Variants in GCH1 observed in about 807,000 individuals in gnomAD.
GCH1 encodes GTP cyclohydrolase I.
A neutral mutation model predicts 25.9 loss-of-function variants in GCH1; 5 were observed. That is an observed-to-expected ratio of 0.19 (90% confidence interval 0.10 to 0.41). The LOEUF (loss-of-function observed/expected upper bound fraction) is 0.41, where lower values mean the gene tolerates loss of function less well. Ranked by LOEUF, GCH1 falls within the 10% of genes least tolerant of loss-of-function variation. The probability of loss-of-function intolerance (pLI) is 1.00; values close to 1 mark genes in which losing one functional copy is unlikely to be tolerated. For missense variants in GCH1, 261 were observed against 336.5 expected, an observed-to-expected ratio of 0.78 and a Z score of 1.75; for synonymous variants, 159 against 129.6, an observed-to-expected ratio of 1.23 and a Z score of -1.54.
At chr14:54,872,960 C>G (rs1333961260) in intron 1 of GCH1, among the ~76,000 whole-genome samples, 1 of 151,408 alleles carries the variant, frequency 6.6e-6, no homozygotes, top group East Asian at 1.9e-4. Flanking sequence ...AGAAAGTTAA[C>G]AAGGATATCC....
At chr14:54,865,247 A>C (rs1594988950) in intron 2 of GCH1, 80 bp downstream of exon 2, 1 of 716,294 alleles carries the variant, frequency 1.4e-6, no homozygotes, top group African/African-American at 1.8e-5. Flanking sequence ...TTGGCAGCTA[A>C]AAATTTTAAA....
chr14:54,891,931 C>G (rs899216133), intron 1 of GCH1, among the ~76,000 whole-genome samples: 1 of 152,168 alleles, frequency 6.6e-6, no homozygotes, highest in African/African-American at 2.4e-5. Context: ...TGGCCCTAAA[C>G]CACAAGAGTA....
intron 1 of GCH1, among the ~76,000 whole-genome samples, chr14:54,899,171 C>A (rs10138594): frequency 0.042 from 6,361 of 152,078 alleles, 463 homozygotes; most frequent in African/African-American, 0.15. Flanking sequence ...TTATAATAAT[C>A]TTAAATGGGC....
rs1033510721 is a variant in GCH1 at position 54,880,004 on chromosome 14, A to C, written c.344-14568T>G. On this transcript the variant is annotated intron_variant, in intron 1 of 5. Transcript: ENST00000491895. ...TGTCTCAAAAAAAAAAAAAAAAAAA[A>C]AAAAAGACATGAAAGCAATCCCAGC... Among the ~76,000 whole-genome samples, 407 of 149,936 alleles carry C rather than the reference A, an allele frequency of 2.7e-3. 2 individuals are homozygous for C. The highest frequency in any genetic ancestry group is 9.5e-3 in the African/African-American group (389 of 40,964).
At chr14:54,888,676 C>A (rs2040385292) in intron 1 of GCH1, among the ~76,000 whole-genome samples, 1 of 122,754 alleles carries the variant, frequency 8.1e-6, no homozygotes, top group Admixed American at 8.5e-5. Flanking sequence ...CCACGCCCGG[C>A]TAATTTTTTT....
At chr14:54,858,540 C>A (rs2039848037) in intron 3 of GCH1, among the ~76,000 whole-genome samples, 1 of 152,130 alleles carries the variant, frequency 6.6e-6, no homozygotes, top group African/African-American at 2.4e-5. Context: ...CCCGCCTCAG[C>A]CTCCCAAAGT....
chr14:54,867,589 C>CAAAAAAAAAAAA lies in GCH1; in HGVS notation c.344-2165_344-2154dup, dbSNP rs1029899399. Among the ~76,000 whole-genome samples, 120 of 46,646 alleles carry CAAAAAAAAAAAA rather than the reference C, an allele frequency of 2.6e-3. 5 individuals are homozygous for CAAAAAAAAAAAA. The highest frequency in any genetic ancestry group is 0.01 in the South Asian group (8 of 784). The allele number at this position is 46,646 out of a possible 152,430, so 30.6% of individuals were successfully genotyped here. A position where few individuals can be genotyped will look rare whatever the true frequency, so the allele number is the denominator to read the frequency against. The stretch of plus-strand genomic sequence containing the variant: ...GGCAAGAGAGAACAAGACTCCGTCT[C>CAAAAAAAAAAAA]AAAAAAAAAAAAAAAAAAAAAAAAA... On this transcript the variant is annotated intron_variant, in intron 1 of 5. Coordinates refer to ENST00000491895, the MANE Select transcript of GCH1 (RefSeq NM_000161.3).
intron 1 of GCH1, 123 bp from the exon 2 acceptor site, chr14:54,865,559 C>T (rs566910798): frequency 1.5e-6 from 1 of 665,432 alleles, no homozygotes; most frequent in African/African-American, 1.8e-5. Context: ...TAAGGGAATA[C>T]AAATTAAAAC....
rs74797638 is a variant in GCH1, at chr14:54,860,835, G to A, written c.454-1099C>T. ...ATTACAGGCGTGAGCCACCACGCCC[G>A]GCCCCATCTTCCTAACTGGAGAAAA... is the stretch of plus-strand genomic sequence containing the variant. On this transcript the variant is annotated intron_variant, in intron 2 of 5. Coordinates refer to ENST00000491895, the MANE Select transcript of GCH1 (RefSeq NM_000161.3). Among the ~76,000 whole-genome samples, 2,772 of 152,154 alleles carry A rather than the reference G, an allele frequency of 0.018. 154 individuals are homozygous for A. The East Asian group carries it at 0.22, about 12-fold the overall frequency.
At chr14:54,869,723 A>G (rs1376556993) in intron 1 of GCH1, among the ~76,000 whole-genome samples, 3 of 150,578 alleles carry the variant, frequency 2.0e-5, no homozygotes, top group African/African-American at 4.9e-5. Context: ...CAGGTGACCC[A>G]CCTGCCTCAG....
intron 1 of GCH1, among the ~76,000 whole-genome samples, chr14:54,872,803 C>T (rs1196875639): frequency 6.6e-6 from 1 of 152,158 alleles, no homozygotes; most frequent in Admixed American, 6.5e-5. Flanking sequence ...GAAGAGCTAA[C>T]TATCCTAAAT....
chr14:54,852,222 C>T (rs1334656230), intron 3 of GCH1, among the ~76,000 whole-genome samples: 2 of 152,202 alleles, frequency 1.3e-5, no homozygotes, highest in Admixed American at 6.5e-5. Flanking sequence ...GCTCCCATAG[C>T]ATATTTCTGG....
At chr14:54,858,599 T>G (rs2039849469) in intron 3 of GCH1, among the ~76,000 whole-genome samples, 1 of 152,100 alleles carries the variant, frequency 6.6e-6, no homozygotes, top group Non-Finnish European at 1.5e-5. Flanking sequence ...ACTCATTTAT[T>G]TCAATTATGA....
chr14:54,848,789 T>C (rs1365909735), intron 3 of GCH1, among the ~76,000 whole-genome samples: 3 of 152,322 alleles, frequency 2.0e-5, no homozygotes, highest in South Asian at 2.1e-4. Context: ...TGAAGAAATA[T>C]ATTAATAGCT....
At chr14:54,887,510 C>T (rs571967636) in intron 1 of GCH1, among the ~76,000 whole-genome samples, 18 of 152,170 alleles carry the variant, frequency 1.2e-4, no homozygotes, top group South Asian at 1.0e-3. Context: ...GGGTTGGGGG[C>T]GGTAGGCGCT....
chr14:54,858,658 GA>G (rs201947996), intron 3 of GCH1, among the ~76,000 whole-genome samples: 18 of 139,786 alleles, frequency 1.3e-4, no homozygotes, highest in African/African-American at 1.0e-4. Flanking sequence ...GATTATTTTT[GA>G]AAAAAAAAAA....
In GCH1 at chr14:54,843,573, T is replaced by C; in HGVS notation, c.*444A>G. ...TGTTGAACTTGAATTCACAGAGCAA[T>C]ACCGCACTAAATATTTTAGCACTTT... On this transcript the variant is annotated 3_prime_UTR_variant, in exon 6 of 6. Transcript: ENST00000491895. The C allele has an allele frequency of 2.1e-6, 3 of 1,416,828 alleles. No individual in the cohort carries two copies. The highest frequency in any genetic ancestry group is 2.8e-6 in the Non-Finnish European group (3 of 1,085,436). 87.8% of individuals were successfully genotyped at this position (1,416,828 alleles called of 1,614,324 possible). A position where few individuals can be genotyped will look rare whatever the true frequency, so the allele number is the denominator to read the frequency against.
chr14:54,843,619 T>G lies in GCH1; in HGVS notation c.*398A>C. ...ACTTTCGGCACTACACCACTTTTAT[T>G]GGAGGAAGAAAAAAAACAGTATACT... On this transcript the variant is annotated 3_prime_UTR_variant, in exon 6 of 6. Coordinates refer to ENST00000491895, the MANE Select transcript of GCH1 (RefSeq NM_000161.3). 6.8e-7 allele frequency: 1 copy of G among 1,473,502 alleles called. No individual in the cohort carries two copies. The highest frequency in any genetic ancestry group is 1.5e-5 in the South Asian group (1 of 68,786). 91.3% of individuals were successfully genotyped at this position (1,473,502 alleles called of 1,614,324 possible).
chr14:54,885,142 C>T, intron 1 of GCH1: 1 of 257,480 alleles, frequency 3.9e-6, no homozygotes, highest in Non-Finnish European at 7.9e-6. Context: ...AGTAGGGTCC[C>T]CAAAGAGGTC....
Sources: allele counts gnomAD v4.1 joint callset (sites outside exome capture counted in the v4.1 genomes callset), GRCh38; gene constraint gnomAD v4.1.1; transcripts MANE v1.5; gene names NCBI Gene and HGNC (gene_info 2026-07-23, HGNC 2026-07-21).